The following FRMD4A variants were observed in gnomAD, a reference collection of about 807,000 sequenced individuals.
FRMD4A encodes FERM domain containing 4A.
Under a neutral mutation model 129.1 loss-of-function variants are expected in FRMD4A, and 29 were observed. The observed-to-expected ratio is 0.22, with a 90% CI of 0.17 to 0.31. The LOEUF (loss-of-function observed/expected upper bound fraction) is 0.31. Ranked by LOEUF, FRMD4A falls within the 10% of genes least tolerant of loss-of-function variation. The pLI, the probability that FRMD4A is intolerant of heterozygous loss-of-function variation, is 1.00. For missense variants in FRMD4A, 1,272 were observed against 1,375.8 expected, an observed-to-expected ratio of 0.92 and a Z score of 1.19; for synonymous variants, 634 against 571.6, an observed-to-expected ratio of 1.11 and a Z score of -1.56.
chr10:14,266,355 T>A (rs1030533775), intron 2 of FRMD4A, among the ~76,000 whole-genome samples: 11 of 152,174 alleles, frequency 7.2e-5, no homozygotes, highest in Non-Finnish European at 1.5e-4. Context: ...CCCCAAGTAC[T>A]TTTTCCCAAA....
intron 2 of FRMD4A, among the ~76,000 whole-genome samples, chr10:13,977,483 C>G (rs774418443): frequency 6.6e-6 from 1 of 152,170 alleles, no homozygotes; most frequent in African/African-American, 2.4e-5. Flanking sequence ...CTCTTAAAAA[C>G]GTAAAAATAC....
chr10:13,791,402 G>GGT (rs3032915), intron 5 of FRMD4A, among the ~76,000 whole-genome samples: 83,653 of 149,906 alleles, frequency 0.56, 24,550 homozygotes, highest in East Asian at 0.7. Context: ...AGAAATAAAA[G>GGT]GTGTGTGTGT....
chr10:13,727,635 G>A (rs1226124183), intron 12 of FRMD4A, among the ~76,000 whole-genome samples: 4 of 152,080 alleles, frequency 2.6e-5, no homozygotes, highest in East Asian at 3.9e-4. Flanking sequence ...TCCTGCATGC[G>A]AGTTCATCTT....
At chr10:13,881,100 T>C (rs535101894) in intron 2 of FRMD4A, among the ~76,000 whole-genome samples, 1 of 152,174 alleles carries the variant, frequency 6.6e-6, no homozygotes, top group South Asian at 2.1e-4. Flanking sequence ...CAGCTGGGGT[T>C]TGCCAGGGTA....
At chr10:13,798,844 A>G (rs776639111) in intron 4 of FRMD4A, among the ~76,000 whole-genome samples, 1 of 152,226 alleles carries the variant, frequency 6.6e-6, no homozygotes, top group Admixed American at 6.5e-5. Context: ...CTGGGTGCCA[A>G]TGTCATCTCT....
intron 2 of FRMD4A, among the ~76,000 whole-genome samples, chr10:14,233,708 C>T (rs760570917): frequency 1.2e-4 from 19 of 152,240 alleles, no homozygotes; most frequent in Non-Finnish European, 1.8e-4. Context: ...AAAAGACTCA[C>T]TGCTTTTGCT....
intron 2 of FRMD4A, among the ~76,000 whole-genome samples, chr10:14,212,486 G>C (rs942114189): frequency 3.9e-5 from 6 of 152,046 alleles, no homozygotes; most frequent in African/African-American, 1.4e-4. Flanking sequence ...CTACTCCCCC[G>C]ATACCGAATA....
chr10:13,652,180 G>T, intron 23 of FRMD4A: 1 of 592,258 alleles, frequency 1.7e-6, no homozygotes, highest in Admixed American at 2.9e-5. Flanking sequence ...TAGGAGGGAC[G>T]GGCCCTCTTT....
chr10:14,006,550 T>C (rs1446844427), intron 2 of FRMD4A, among the ~76,000 whole-genome samples: 3 of 152,202 alleles, frequency 2.0e-5, no homozygotes, highest in Non-Finnish European at 2.9e-5. Flanking sequence ...AAATGGAGGT[T>C]TCCAGGCGAC....
intron 2 of FRMD4A, among the ~76,000 whole-genome samples, chr10:13,885,696 T>C (rs1262421428): frequency 6.6e-6 from 1 of 152,230 alleles, no homozygotes; most frequent in African/African-American, 2.4e-5. Context: ...CAGCCCTTGC[T>C]AACAGTAGCC....
intron 3 of FRMD4A, among the ~76,000 whole-genome samples, chr10:13,820,173 G>A (rs1160815670): frequency 6.6e-6 from 1 of 152,160 alleles, no homozygotes; most frequent in Admixed American, 6.5e-5. Flanking sequence ...CCAGAAATTT[G>A]GGAGAGTGAG....
intron 2 of FRMD4A, among the ~76,000 whole-genome samples, chr10:14,131,396 G>C (rs1184093750): frequency 1.3e-5 from 2 of 148,928 alleles, no homozygotes; most frequent in South Asian, 2.1e-4. Flanking sequence ...AACTCACTGT[G>C]CCCCCCCCGG....
chr10:13,677,790 A>C (rs1364044254), intron 15 of FRMD4A, among the ~76,000 whole-genome samples: 1 of 152,240 alleles, frequency 6.6e-6, no homozygotes, highest in Non-Finnish European at 1.5e-5. Context: ...ACATTTACTG[A>C]AGTACTCCGT....
At chr10:13,918,185 G>T (rs1282039335) in intron 2 of FRMD4A, among the ~76,000 whole-genome samples, 1 of 152,056 alleles carries the variant, frequency 6.6e-6, no homozygotes, top group Admixed American at 6.6e-5. Context: ...TTAGAATGTG[G>T]GTTTCTTGCA....
chr10:13,770,494 A>G (rs548147722), intron 6 of FRMD4A, among the ~76,000 whole-genome samples: 20 of 152,126 alleles, frequency 1.3e-4, no homozygotes, highest in Non-Finnish European at 2.6e-4. Flanking sequence ...CCCAGGATGG[A>G]GTGCAGTGGC....
intron 2 of FRMD4A, among the ~76,000 whole-genome samples, chr10:14,234,423 C>T (rs1452143810): frequency 2.6e-5 from 4 of 152,060 alleles, no homozygotes; most frequent in Non-Finnish European, 5.9e-5. Context: ...TCCATTGGTC[C>T]CCTGGATCTC....
At chr10:13,939,808 A>G (rs914860961) in intron 2 of FRMD4A, among the ~76,000 whole-genome samples, 1 of 152,174 alleles carries the variant, frequency 6.6e-6, no homozygotes, top group African/African-American at 2.4e-5. Flanking sequence ...TCTTTGTTAA[A>G]TCAGATTTCC....
At chr10:13,927,935 A>G (rs1185354186) in intron 2 of FRMD4A, among the ~76,000 whole-genome samples, 3 of 152,146 alleles carry the variant, frequency 2.0e-5, no homozygotes, top group Non-Finnish European at 2.9e-5. Context: ...TTGTATTTAG[A>G]ATTTAAAATT....
At chr10:13,859,585 C>T (rs931314630) in intron 2 of FRMD4A, among the ~76,000 whole-genome samples, 3 of 152,062 alleles carry the variant, frequency 2.0e-5, no homozygotes, top group African/African-American at 7.2e-5. Flanking sequence ...CTTATTCTTC[C>T]ATTCAATAAT....
Sources: gnomAD v4.1 joint callset for allele counts (sites outside exome capture counted in the v4.1 genomes callset) on GRCh38, gnomAD v4.1.1 for gene constraint, MANE v1.5 for transcripts, NCBI Gene and HGNC (gene_info 2026-07-23, HGNC 2026-07-21) for gene names.